The following PDXDC1 variants were observed in gnomAD, a reference collection of about 807,000 sequenced individuals.
PDXDC1 encodes the protein pyridoxal-dependent decarboxylase domain-containing protein 1.
PDXDC1 carries 42 observed loss-of-function variants against 100.1 expected under a neutral mutation model. The observed-to-expected ratio is 0.42, with a 90% CI of 0.33 to 0.54. The LOEUF (loss-of-function observed/expected upper bound fraction) is 0.54. Among genes scored for constraint, PDXDC1 ranks in the 20% least tolerant of loss-of-function variants. The pLI, the probability that PDXDC1 is intolerant of heterozygous loss-of-function variation, is 0.10. For synonymous variants in PDXDC1, 260 were observed against 371.7 expected (o/e 0.70, Z 3.46); for missense variants, 636 against 979.2 (o/e 0.65, Z 4.68).
At chr16:15,003,153 A>AAG (rs1973517270) in intron 4 of PDXDC1, among the ~76,000 whole-genome samples, 1 of 151,992 alleles carries the variant, frequency 6.6e-6, no homozygotes, top group Admixed American at 6.6e-5. Flanking sequence ...CTAGTCCCCC[A>AAG]TGAATTTGCT....
At chr16:15,128,194 G>A (rs765744299) in intron 16 of PDXDC1, 56 of 1,610,484 alleles carry the variant, frequency 3.5e-5, no homozygotes, top group Admixed American at 1.0e-4. Context: ...GGGGCAGAGG[G>A]GCAGAGCTTG....
downstream of PDXDC1, among the ~76,000 whole-genome samples, chr16:15,143,688 G>T (rs981766925): frequency 3.3e-5 from 5 of 152,220 alleles, no homozygotes; most frequent in Non-Finnish European, 7.3e-5. Context: ...GTCGGGGCGT[G>T]CAACAGTGGG....
intron 16 of PDXDC1, among the ~76,000 whole-genome samples, chr16:15,112,027 A>G (rs1387738753): frequency 6.8e-6 from 1 of 147,088 alleles, no homozygotes; most frequent in Non-Finnish European, 1.5e-5. Flanking sequence ...CCCTCACATC[A>G]GCTTCGTTGA....
rs1379905961 is a variant in PDXDC1, at chr16:15,034,346, C to A, written c.1873C>A (p.Gln625Lys). ...KGIQEAQVEL[Q>K]KASEERLLEE... ...CATTCAGGAAGCTCAAGTGGAGCTG[C>A]AGAAGGCAAGTGAAGAACGGCTTCT... is the stretch of plus-strand genomic sequence containing the variant. The change falls in exon 20 of 23, where the codon CAG becomes AAG. Residue 625 changes from glutamine (Q) to lysine (K), a missense_variant. Transcript: ENST00000396410. The A allele has an allele frequency of 6.2e-7, 1 of 1,613,492 alleles. No homozygotes were observed. The highest frequency in any genetic ancestry group is 2.2e-5 in the East Asian group (1 of 44,888).
chr16:15,021,202 C>T (rs1597571593), intron 12 of PDXDC1, among the ~76,000 whole-genome samples: 2 of 152,238 alleles, frequency 1.3e-5, no homozygotes, highest in East Asian at 3.9e-4. Context: ...TGTGGTCAAA[C>T]CCTGTCTCTA....
chr16:15,004,540 A>C (rs1215904339), intron 5 of PDXDC1, among the ~76,000 whole-genome samples: 4 of 152,300 alleles, frequency 2.6e-5, no homozygotes, highest in African/African-American at 9.6e-5. Context: ...AAATGAGCTA[A>C]TGGACTAATA....
At chr16:15,032,788 A>G in intron 17 of PDXDC1, 73 bp from the exon 18 acceptor site, 1 of 871,240 alleles carries the variant, frequency 1.1e-6, no homozygotes, top group Admixed American at 1.8e-5. Flanking sequence ...TAATATTTAG[A>G]GGTTTCTAAT....
chr16:15,033,081 G>A (rs2043165197), intron 18 of PDXDC1, 102 bp downstream of exon 18: 1 of 987,338 alleles, frequency 1.0e-6, no homozygotes, highest in Non-Finnish European at 1.6e-6. Flanking sequence ...CGCCTCTCGG[G>A]CTGGGTTCCA....
chr16:15,073,040 G>A lies in PDXDC1; in HGVS notation c.1399+42984G>A, dbSNP rs753503870. The A allele has an allele frequency of 3.1e-6, 5 of 1,612,956 alleles. No individual in the cohort carries two copies. The East Asian group carries it at 6.7e-5, about 22-fold the overall frequency. Reference sequence around the variant, plus strand: ...GGAGTTTGTCAAAGATGTTTATCAGGTCGCGATATAGATCCTTTGTTTTGC... The same window carrying A: ...GGAGTTTGTCAAAGATGTTTATCAGATCGCGATATAGATCCTTTGTTTTGC... On this transcript the variant is annotated intron_variant, in intron 16 of 16. Transcript: ENST00000535621.
At chr16:15,004,083 T>C (rs1973756624) in intron 4 of PDXDC1, 104 bp from the exon 5 acceptor site, 1 of 1,091,436 alleles carries the variant, frequency 9.2e-7, no homozygotes, top group African/African-American at 1.6e-5. Flanking sequence ...TCTGGGCCAT[T>C]AAGTAGATTT....
At chr16:14,977,794 A>G (rs1967035192) in intron 1 of PDXDC1, among the ~76,000 whole-genome samples, 1 of 152,266 alleles carries the variant, frequency 6.6e-6, no homozygotes, top group African/African-American at 2.4e-5. Flanking sequence ...TAAATTCTAC[A>G]TTGTTAATAT....
intron 16 of PDXDC1, chr16:15,135,698 C>A: frequency 1.9e-6 from 3 of 1,595,752 alleles, no homozygotes; most frequent in Non-Finnish European, 8.6e-7. Flanking sequence ...CGTCTGGTCG[C>A]CATCCTCCAG....
At chr16:15,148,258 G>A in the PDXDC1 span, among the ~76,000 whole-genome samples, 1 of 151,712 alleles carries the variant, frequency 6.6e-6, no homozygotes, top group Non-Finnish European at 1.5e-5. Flanking sequence ...CGCCCGGCTG[G>A]ACAGTGGTTT....
intron 17 of PDXDC1, 189 bp from the exon 18 acceptor site, chr16:15,032,672 C>A: frequency 3.4e-6 from 1 of 297,090 alleles, no homozygotes; most frequent in Admixed American, 7.0e-5. Context: ...AAAAAAAAGG[C>A]TTTCCTGTGA....
chr16:14,995,335 A>G (rs1460030275), intron 1 of PDXDC1, among the ~76,000 whole-genome samples: 5 of 152,284 alleles, frequency 3.3e-5, no homozygotes, highest in Admixed American at 3.3e-4. Context: ...CAGTTTATTG[A>G]GAGTTTTTAG....
downstream of PDXDC1, among the ~76,000 whole-genome samples, chr16:15,140,630 G>A (rs767685770): frequency 2.4e-4 from 36 of 152,064 alleles, no homozygotes; most frequent in Non-Finnish European, 4.0e-4. Flanking sequence ...ACCAAAGGGC[G>A]GCAGCATGTC....
At chr16:14,992,751 A>G (rs532574381) in intron 1 of PDXDC1, among the ~76,000 whole-genome samples, 1 of 152,252 alleles carries the variant, frequency 6.6e-6, no homozygotes, top group Non-Finnish European at 1.5e-5. Context: ...ATTGTCGTTT[A>G]TTAGCTCTAT....
intron 16 of PDXDC1, among the ~76,000 whole-genome samples, chr16:15,089,634 A>G (rs2046042728): frequency 1.3e-5 from 2 of 151,278 alleles, no homozygotes; most frequent in Non-Finnish European, 2.9e-5. Flanking sequence ...CCCCACCTCT[A>G]CTAAAAATAC....
chr16:15,048,688 A>G (rs2044177300), intron 16 of PDXDC1, among the ~76,000 whole-genome samples: 1 of 152,080 alleles, frequency 6.6e-6, no homozygotes, highest in Non-Finnish European at 1.5e-5. Flanking sequence ...TAGTGGTACA[A>G]TTTCAACTCA....
Sources: allele counts gnomAD v4.1 joint callset (sites outside exome capture counted in the v4.1 genomes callset), GRCh38; gene constraint gnomAD v4.1.1; transcripts MANE v1.5; gene names NCBI Gene and HGNC (gene_info 2026-07-23, HGNC 2026-07-21).